The following DCAF6 variants were observed in gnomAD, a reference collection of about 807,000 sequenced individuals.
The protein encoded by DCAF6 is DDB1- and CUL4-associated factor 6.
In DCAF6, 54 loss-of-function variants were observed where a neutral mutation model predicts 125.1. The ratio of observed to expected loss-of-function variants is 0.43; its 90% CI spans 0.35 to 0.54. DCAF6 has a LOEUF of 0.54. Ranked by LOEUF, DCAF6 falls within the 20% of genes least tolerant of loss-of-function variation. The pLI is 0.01. For missense variants in DCAF6, 934 were observed against 1,161.7 expected (o/e 0.80, Z 2.85); for synonymous variants, 371 against 390.4 (o/e 0.95, Z 0.58).
chr1:167,987,769 A>G (rs927883467), intron 5 of DCAF6, among the ~76,000 whole-genome samples, 161 bp downstream of exon 5: 9 of 152,212 alleles, frequency 5.9e-5, no homozygotes, highest in Non-Finnish European at 1.0e-4. Flanking sequence ...AAAATATTTA[A>G]TAAGCATATA....
chr1:167,925,786 A>G, the DCAF6 span, among the ~76,000 whole-genome samples: 2 of 151,974 alleles, frequency 1.3e-5, no homozygotes, highest in South Asian at 2.1e-4. Flanking sequence ...TGACCTTGTG[A>G]TCTGCCCGCC....
chr1:167,966,243 A>G (rs1244103311), intron 2 of DCAF6, among the ~76,000 whole-genome samples: 1 of 152,204 alleles, frequency 6.6e-6, no homozygotes, highest in Non-Finnish European at 1.5e-5. Flanking sequence ...TGGAACTGGA[A>G]ACTGGAAGCT....
chr1:168,072,305 A>T (rs1300335543), intron 21 of DCAF6, among the ~76,000 whole-genome samples: 1 of 145,586 alleles, frequency 6.9e-6, no homozygotes, highest in African/African-American at 2.5e-5. Flanking sequence ...AAAAAAAAAA[A>T]AAAAAAAAAA....
the DCAF6 span, among the ~76,000 whole-genome samples, chr1:167,907,074 C>T: frequency 6.6e-6 from 1 of 152,306 alleles, no homozygotes; most frequent in Middle Eastern, 3.4e-3. Context: ...AGCACACAGT[C>T]ATTTTAAATA....
intron 3 of DCAF6, among the ~76,000 whole-genome samples, chr1:167,972,129 T>A (rs1404061844): frequency 6.6e-6 from 1 of 152,246 alleles, no homozygotes; most frequent in Non-Finnish European, 1.5e-5. Context: ...GTGCTGAGAT[T>A]ACAAGGCATG....
the DCAF6 span, chr1:167,883,652 T>C: frequency 3.1e-6 from 5 of 1,613,600 alleles, no homozygotes; most frequent in Non-Finnish European, 3.4e-6. Flanking sequence ...AGCAGCTTTC[T>C]GTAGGTGTCC....
intron 3 of DCAF6, among the ~76,000 whole-genome samples, chr1:167,974,589 G>A (rs964647166): frequency 2.0e-5 from 3 of 152,068 alleles, no homozygotes; most frequent in Non-Finnish European, 2.9e-5. Flanking sequence ...AAATATGCAT[G>A]TTTTATTTTC....
intron 5 of DCAF6, among the ~76,000 whole-genome samples, chr1:167,990,448 C>G (rs1211758057): frequency 6.6e-6 from 1 of 152,130 alleles, no homozygotes; most frequent in African/African-American, 2.4e-5. Flanking sequence ...ATTATAACTC[C>G]ATCTTTGCTG....
the DCAF6 span, chr1:167,875,097 A>G: frequency 5.7e-6 from 9 of 1,587,682 alleles, no homozygotes; most frequent in Non-Finnish European, 7.8e-6. Flanking sequence ...TTTTAGTTCA[A>G]TAAAGAAGTT....
Position 167,936,706 on chromosome 1 carries a change from GGA to G in DCAF6, c.-202_-201del. 1 of 575,010 alleles carries G rather than the reference GGA, an allele frequency of 1.7e-6. No homozygotes were observed. The highest frequency in any genetic ancestry group is 3.1e-6 in the Non-Finnish European group (1 of 322,748). The allele number at this position is 575,010 out of a possible 1,614,324, so 35.6% of individuals were successfully genotyped here. A position where few individuals can be genotyped will look rare whatever the true frequency, so the allele number is the denominator to read the frequency against. On this transcript the variant is annotated 5_prime_UTR_variant, in exon 1 of 22. Coordinates refer to ENST00000367840, the MANE Select transcript of DCAF6 (RefSeq NM_001198956.2). ...TTGGATGTTCTGGTTAGTCTAAGAA[GGA>G]GAGTATGAGGCGAGCTCCGGCCCGG...
chr1:168,032,857 T>G (rs1173889648), intron 12 of DCAF6, among the ~76,000 whole-genome samples: 2 of 152,214 alleles, frequency 1.3e-5, no homozygotes, highest in Non-Finnish European at 2.9e-5. Flanking sequence ...CCCTAGTTAA[T>G]TATCTTCATT....
intron 17 of DCAF6, among the ~76,000 whole-genome samples, chr1:168,062,749 T>A (rs1292147572): frequency 6.6e-6 from 1 of 152,032 alleles, no homozygotes; most frequent in Non-Finnish European, 1.5e-5. Context: ...ATTTTAATAG[T>A]TAAATCAGTT....
At chr1:167,998,600 A>C (rs1401597599) in intron 7 of DCAF6, 2 of 158,020 alleles carry the variant, frequency 1.3e-5, no homozygotes, top group African/African-American at 2.4e-5. Flanking sequence ...GTAGTACTCT[A>C]TAATAGATCC....
chr1:167,937,092 G>A, intron 1 of DCAF6, 84 bp downstream of exon 1: 2 of 1,255,252 alleles, frequency 1.6e-6, no homozygotes, highest in Non-Finnish European at 2.3e-6. Context: ...GTTGGAGGTG[G>A]GACGGCGTCT....
chr1:167,904,966 T>C, the DCAF6 span: 12 of 1,614,208 alleles, frequency 7.4e-6, no homozygotes, highest in Non-Finnish European at 9.3e-6. Flanking sequence ...CTCATCCACA[T>C]TAAACAAACA....
chr1:168,045,378 G>C, intron 16 of DCAF6, 151 bp downstream of exon 16: 1 of 727,830 alleles, frequency 1.4e-6, no homozygotes, highest in Non-Finnish European at 2.2e-6. Context: ...ACAGTTTACT[G>C]TAAATGATTT....
chr1:167,985,980 C>T (rs2102976657), intron 4 of DCAF6, among the ~76,000 whole-genome samples: 1 of 152,224 alleles, frequency 6.6e-6, no homozygotes. Flanking sequence ...TGTGCCTTCT[C>T]TTTTGTGTCT....
At chr1:168,008,617 C>T (rs1243783459) in intron 10 of DCAF6, among the ~76,000 whole-genome samples, 2 of 152,050 alleles carry the variant, frequency 1.3e-5, no homozygotes, top group Non-Finnish European at 2.9e-5. Context: ...GTTTAAATCC[C>T]TTCAGAAGTT....
At position 167,937,016 on chromosome 1, in the gene DCAF6, G is replaced by A. The variant is rs1328370011; in HGVS notation, c.97+8G>A. On this transcript the variant is annotated splice_region_variant and intron_variant, in intron 1 of 21. Coordinates refer to ENST00000367840, the MANE Select transcript of DCAF6 (RefSeq NM_001198956.2). Reference sequence around the variant, plus strand: ...TGCGGAGTCGCTACCTGGGTGAGCGGGGGCCCCGGGGCGGAGGCGCTGAGG... The same window carrying A: ...TGCGGAGTCGCTACCTGGGTGAGCGAGGGCCCCGGGGCGGAGGCGCTGAGG... 1 of 1,603,182 alleles carries A rather than the reference G, an allele frequency of 6.2e-7. No individual in the cohort carries two copies. The highest frequency in any genetic ancestry group is 1.7e-5 in the Admixed American group (1 of 58,512).
Sources: gnomAD v4.1 joint callset for allele counts (sites outside exome capture counted in the v4.1 genomes callset) on GRCh38, gnomAD v4.1.1 for gene constraint, MANE v1.5 for transcripts, NCBI Gene and HGNC (gene_info 2026-07-23, HGNC 2026-07-21) for gene names.